Variants in VCF1 observed in about 807,000 individuals in gnomAD.
VCF1 encodes the protein protein VCF1.
chr17:73,216,303 G>C, the VCF1 span, among the ~76,000 whole-genome samples: 1 of 152,198 alleles, frequency 6.6e-6, no homozygotes. Context: ...TCGAGCATCA[G>C]GACAGTGCTG....
At chr17:73,211,400 A>C in the VCF1 span, among the ~76,000 whole-genome samples, 1 of 152,082 alleles carries the variant, frequency 6.6e-6, no homozygotes, top group African/African-American at 2.4e-5. Context: ...GAAACCCCGT[A>C]TCAATTAAAA....
chr17:73,225,882 A>ATATATATATATATATATATAT, the VCF1 span, among the ~76,000 whole-genome samples: 5 of 74,686 alleles, frequency 6.7e-5, no homozygotes, highest in African/African-American at 2.8e-4. Context: ...ATATATATAT[A>ATATATATATATATATATATAT]ATATATATAT....
the VCF1 span, chr17:73,232,057 G>A: frequency 1.3e-6 from 2 of 1,564,814 alleles, no homozygotes; most frequent in Admixed American, 1.9e-5. Context: ...CTCAGGCGAC[G>A]AATGGAAAGG....
chr17:73,218,812 G>A, the VCF1 span, among the ~76,000 whole-genome samples: 1 of 152,186 alleles, frequency 6.6e-6, no homozygotes, highest in Non-Finnish European at 1.5e-5. Context: ...GAGGTCAGGA[G>A]ATAGAGACCA....
chr17:73,229,668 C>T, the VCF1 span: 1 of 639,928 alleles, frequency 1.6e-6, no homozygotes. Context: ...GAGTTCGAAA[C>T]CAGCCTGGCC....
the VCF1 span, among the ~76,000 whole-genome samples, chr17:73,217,942 A>T: frequency 6.6e-6 from 1 of 152,276 alleles, no homozygotes; most frequent in South Asian, 2.1e-4. Context: ...ACTGCACTCC[A>T]GCCTGGGCGA....
the VCF1 span, among the ~76,000 whole-genome samples, chr17:73,215,466 G>A: frequency 6.6e-6 from 1 of 151,934 alleles, no homozygotes; most frequent in Non-Finnish European, 1.5e-5. Flanking sequence ...TAGAGACGAG[G>A]TCTCACTATG....
chr17:73,212,765 A>G, the VCF1 span: 1 of 1,541,488 alleles, frequency 6.5e-7, no homozygotes, highest in South Asian at 1.2e-5. Context: ...AAGAACTACA[A>G]TCAGTTTCTA....
At chr17:73,209,945 C>A in the VCF1 span, among the ~76,000 whole-genome samples, 1 of 152,240 alleles carries the variant, frequency 6.6e-6, no homozygotes, top group Non-Finnish European at 1.5e-5. Context: ...TTCATCCTCT[C>A]CTCACAGCCA....
the VCF1 span, among the ~76,000 whole-genome samples, chr17:73,219,364 A>G: frequency 6.6e-6 from 1 of 152,044 alleles, no homozygotes; most frequent in Non-Finnish European, 1.5e-5. Flanking sequence ...TAAGAAATTA[A>G]TCTCGGCTGG....
At chr17:73,218,411 A>G in the VCF1 span, among the ~76,000 whole-genome samples, 186 of 152,360 alleles carry the variant, frequency 1.2e-3, 3 homozygotes, top group East Asian at 0.027. Context: ...TTACCCTTAT[A>G]AGGTGAAACT....
chr17:73,231,955 C>G, the VCF1 span: 1 of 994,156 alleles, frequency 1.0e-6, no homozygotes, highest in Non-Finnish European at 1.4e-6. Flanking sequence ...CCTCCTCCCC[C>G]GGCCCGCAGT....
At chr17:73,219,213 A>AC in the VCF1 span, among the ~76,000 whole-genome samples, 1 of 150,910 alleles carries the variant, frequency 6.6e-6, no homozygotes, top group Middle Eastern at 3.5e-3. Flanking sequence ...AAAAAAAAAA[A>AC]CGACGAAACT....
chr17:73,232,219 C>G, the VCF1 span: 16 of 1,611,448 alleles, frequency 9.9e-6, no homozygotes, highest in Non-Finnish European at 1.4e-5. Context: ...GCTCTCGCAG[C>G]CGCTCGGGTG....
chr17:73,214,230 G>GGGA, the VCF1 span, among the ~76,000 whole-genome samples: 2 of 151,558 alleles, frequency 1.3e-5, no homozygotes, highest in Non-Finnish European at 2.9e-5. Flanking sequence ...TGGAGGCTTA[G>GGGA]GGAGTGTCAC....
At chr17:73,207,394 A>C in the VCF1 span, 8 of 849,738 alleles carry the variant, frequency 9.4e-6, no homozygotes, top group South Asian at 1.1e-4. Context: ...ATGGCGGCGC[A>C]ATAGAGAAGT....
At chr17:73,209,692 G>C in the VCF1 span, 3 of 1,548,526 alleles carry the variant, frequency 1.9e-6, no homozygotes, top group Non-Finnish European at 2.6e-6. Flanking sequence ...GCTGCCTTCC[G>C]GCCCGCTGGC....
At chr17:73,214,871 C>T in the VCF1 span, among the ~76,000 whole-genome samples, 56 of 152,278 alleles carry the variant, frequency 3.7e-4, no homozygotes, top group Middle Eastern at 3.4e-3. Context: ...AATAGGAATC[C>T]CACTCTTATG....
the VCF1 span, among the ~76,000 whole-genome samples, chr17:73,223,797 C>T: frequency 0.52 from 77,808 of 150,806 alleles, 20,055 homozygotes; most frequent in East Asian, 0.61. Context: ...CTGGGCAACA[C>T]AGCAAGACCC....
Sources: gnomAD v4.1 joint callset for allele counts (sites outside exome capture counted in the v4.1 genomes callset) on GRCh38, gnomAD v4.1.1 for gene constraint, MANE v1.5 for transcripts, NCBI Gene and HGNC (gene_info 2026-07-23, HGNC 2026-07-21) for gene names.